PARD3: variants seen among roughly 807,000 people sequenced by gnomAD.
PARD3 encodes the protein par-3 family cell polarity regulator, also known as partitioning defective 3 homolog.
PARD3 carries 75 observed loss-of-function variants against 155.4 expected under a neutral mutation model. That is an observed-to-expected ratio of 0.48 (90% CI 0.40 to 0.58). The LOEUF is 0.58. Among genes scored for constraint, PARD3 ranks in the 20% least tolerant of loss-of-function variants. The pLI is 0.00. For missense variants in PARD3, 1,642 were observed against 1,721.7 expected (o/e 0.95, Z 0.82); for synonymous variants, 576 against 610.5 (o/e 0.94, Z 0.83).
intron 11 of PARD3, 90 bp from the exon 12 acceptor site, chr10:34,372,626 T>C (rs1840805612): frequency 1.0e-6 from 1 of 964,558 alleles, no homozygotes; most frequent in Non-Finnish European, 1.7e-6. Flanking sequence ...AAGAAAATTT[T>C]GTTGATTCTT....
chr10:34,496,733 G>A (rs142488388), intron 3 of PARD3, among the ~76,000 whole-genome samples: 62 of 152,260 alleles, frequency 4.1e-4, no homozygotes, highest in African/African-American at 1.4e-3. Flanking sequence ...AAAAGAATCC[G>A]AAGAGATATA....
chr10:34,234,582 C>T (rs1283562524), intron 22 of PARD3, among the ~76,000 whole-genome samples: 4 of 152,264 alleles, frequency 2.6e-5, no homozygotes, highest in South Asian at 2.1e-4. Context: ...TTCTTTGCAT[C>T]CTTCAGTACT....
intron 22 of PARD3, among the ~76,000 whole-genome samples, chr10:34,267,070 G>A (rs905519479): frequency 1.3e-5 from 2 of 152,008 alleles, no homozygotes; most frequent in Admixed American, 1.3e-4. Flanking sequence ...GGATGTGGAA[G>A]GTGCTGAAAA....
chr10:34,657,740 T>C (rs951836456), intron 2 of PARD3, among the ~76,000 whole-genome samples: 9 of 151,988 alleles, frequency 5.9e-5, no homozygotes, highest in Non-Finnish European at 1.3e-4. Flanking sequence ...GGTTTCGCCA[T>C]GTTGGCCAAG....
chr10:34,257,772 G>A (rs961525013), intron 22 of PARD3, among the ~76,000 whole-genome samples: 17 of 152,046 alleles, frequency 1.1e-4, no homozygotes, highest in African/African-American at 3.4e-4. Context: ...TTGTGGTTTC[G>A]GGCAATGTTA....
intron 5 of PARD3, among the ~76,000 whole-genome samples, chr10:34,413,857 T>C (rs964480223): frequency 6.6e-6 from 1 of 152,190 alleles, no homozygotes; most frequent in African/African-American, 2.4e-5. Context: ...AAAAGAATCA[T>C]TAAACCATGA....
intron 20 of PARD3, among the ~76,000 whole-genome samples, chr10:34,287,456 A>C (rs1384297884): frequency 6.6e-6 from 1 of 152,190 alleles, no homozygotes; most frequent in Admixed American, 6.5e-5. Flanking sequence ...GACACCGAGA[A>C]CAATCTACTC....
At chr10:34,806,892 C>A (rs1843465079) in intron 1 of PARD3, among the ~76,000 whole-genome samples, 1 of 152,192 alleles carries the variant, frequency 6.6e-6, no homozygotes, top group Non-Finnish European at 1.5e-5. Flanking sequence ...TCCAGCCCAG[C>A]ACCTCTGAAT....
At chr10:34,728,661 A>T (rs765286152) in intron 1 of PARD3, among the ~76,000 whole-genome samples, 9 of 152,216 alleles carry the variant, frequency 5.9e-5, no homozygotes, top group Non-Finnish European at 1.3e-4. Flanking sequence ...CATCCCAAGC[A>T]GCAGTAAAAG....
At chr10:34,447,806 A>AAAAAAAAAAAG (rs2076830791) in intron 5 of PARD3, among the ~76,000 whole-genome samples, 1 of 150,298 alleles carries the variant, frequency 6.7e-6, no homozygotes, top group African/African-American at 2.5e-5. Context: ...CTCTGTCTCA[A>AAAAAAAAAAAG]AAGAAAGAAA....
At chr10:34,573,752 C>A (rs12252116) in intron 2 of PARD3, among the ~76,000 whole-genome samples, 3 of 133,608 alleles carry the variant, frequency 2.2e-5, no homozygotes, top group African/African-American at 9.1e-5. Context: ...CACACACACA[C>A]ACACACACAC....
rs1489415714 is a variant in PARD3, at chr10:34,139,733, T to C, written c.3420-8150A>G. 2.6e-5 allele frequency among the ~76,000 whole-genome samples: 4 copies of C among 152,320 alleles called. No individual in the cohort carries two copies. The East Asian group carries it at 7.7e-4, about 29-fold the overall frequency. On this transcript the variant is annotated intron_variant, in intron 22 of 24. Coordinates refer to ENST00000374788, the MANE Select transcript of PARD3 (RefSeq NM_001184785.2). ...GTCTTACTGTGATGTCATCCATGGATGTACAGAGTTGTAATCCTTTCAAAA... is the reference window on the plus strand; with the variant it reads ...GTCTTACTGTGATGTCATCCATGGACGTACAGAGTTGTAATCCTTTCAAAA...
At chr10:34,267,418 A>T (rs1415090474) in intron 22 of PARD3, among the ~76,000 whole-genome samples, 1 of 152,220 alleles carries the variant, frequency 6.6e-6, no homozygotes, top group Non-Finnish European at 1.5e-5. Flanking sequence ...TATGCCTCCT[A>T]TGTTAATTTA....
At chr10:34,784,973 G>A (rs1227316230) in intron 1 of PARD3, among the ~76,000 whole-genome samples, 1 of 152,162 alleles carries the variant, frequency 6.6e-6, no homozygotes, top group African/African-American at 2.4e-5. Flanking sequence ...TCATCACTAA[G>A]TTTCCTCCCT....
chr10:34,640,666 G>A (rs1027188050), intron 2 of PARD3, among the ~76,000 whole-genome samples: 3 of 115,374 alleles, frequency 2.6e-5, no homozygotes, highest in Non-Finnish European at 1.6e-5. Flanking sequence ...CCAAGAAAGC[G>A]CCACTGTACT....
At chr10:34,373,883 T>C (rs149578977) in intron 11 of PARD3, among the ~76,000 whole-genome samples, 108 of 152,068 alleles carry the variant, frequency 7.1e-4, no homozygotes, top group African/African-American at 2.5e-3. Context: ...ATAGTTATTT[T>C]TATCATAACA....
At chr10:34,272,532 C>T (rs1466395366) in intron 21 of PARD3, among the ~76,000 whole-genome samples, 1 of 152,082 alleles carries the variant, frequency 6.6e-6, no homozygotes, top group Non-Finnish European at 1.5e-5. Flanking sequence ...GAGTTCTAGA[C>T]CAGCCTAGGC....
intron 7 of PARD3, among the ~76,000 whole-genome samples, 166 bp downstream of exon 7, chr10:34,399,164 C>T (rs1330448753): frequency 2.0e-5 from 3 of 152,128 alleles, no homozygotes; most frequent in Admixed American, 6.6e-5. Context: ...AGGCTAAGTG[C>T]TTTCTGTGAT....
chr10:34,362,466 A>T lies in PARD3; in HGVS notation c.1708-2207T>A, dbSNP rs1467713182. Among the ~76,000 whole-genome samples the T allele has an allele frequency of 2.6e-5, 4 of 152,272 alleles. No individual in the cohort carries two copies. In the East Asian group the frequency reaches 5.8e-4, roughly 22 times the overall value. ...AACATGAATATTCAATATACTTTTT[A>T]TTTTGGTCCATGTAGCTCAAAACAA... On this transcript the variant is annotated intron_variant, in intron 12 of 24. Coordinates refer to ENST00000374788, the MANE Select transcript of PARD3 (RefSeq NM_001184785.2).
Sources: gnomAD v4.1 joint callset for allele counts (sites outside exome capture counted in the v4.1 genomes callset) on GRCh38, gnomAD v4.1.1 for gene constraint, MANE v1.5 for transcripts, NCBI Gene and HGNC (gene_info 2026-07-23, HGNC 2026-07-21) for gene names.